The following COL14A1 variants were observed in gnomAD, a reference collection of about 807,000 sequenced individuals.
The protein encoded by COL14A1 is collagen alpha-1(XIV) chain.
COL14A1 carries 136 observed loss-of-function variants against 230.3 expected under a neutral mutation model. The ratio of observed to expected loss-of-function variants is 0.59; its 90% CI spans 0.51 to 0.68. The LOEUF (loss-of-function observed/expected upper bound fraction) is 0.68. Ranked by LOEUF, COL14A1 falls within the 30% of genes least tolerant of loss-of-function variation. COL14A1 has a pLI of 0.00. For synonymous variants in COL14A1, 792 were observed against 784.1 expected, an observed-to-expected ratio of 1.01 and a Z score of -0.17; for missense variants, 1,976 against 2,215.8, an observed-to-expected ratio of 0.89 and a Z score of 2.17.
intron 42 of COL14A1, among the ~76,000 whole-genome samples, chr8:120,340,590 G>A (rs1469043802): frequency 6.6e-6 from 1 of 152,172 alleles, no homozygotes; most frequent in Admixed American, 6.5e-5. Flanking sequence ...AACAAAATAT[G>A]AAATCCTTCT....
upstream of COL14A1, among the ~76,000 whole-genome samples, chr8:120,124,644 G>A (rs1814257437): frequency 1.3e-5 from 2 of 152,208 alleles, no homozygotes; most frequent in African/African-American, 2.4e-5. Flanking sequence ...GGAAGAGGGA[G>A]AAGAGGAGGC....
intron 19 of COL14A1, among the ~76,000 whole-genome samples, chr8:120,243,128 T>C: frequency 6.6e-6 from 1 of 152,212 alleles, no homozygotes; most frequent in East Asian, 1.9e-4. Context: ...ACTGAGAACA[T>C]GTGGCTTTTC....
chr8:120,180,129 A>G (rs1411299006), intron 5 of COL14A1, among the ~76,000 whole-genome samples: 2 of 152,190 alleles, frequency 1.3e-5, no homozygotes, highest in East Asian at 3.8e-4. Flanking sequence ...TGTTTTTAAA[A>G]AGTGATATTA....
intron 14 of COL14A1, among the ~76,000 whole-genome samples, chr8:120,221,218 C>T (rs2130790911): frequency 6.6e-6 from 1 of 152,318 alleles, no homozygotes; most frequent in Middle Eastern, 3.4e-3. Context: ...TGTTCCTCAT[C>T]AGGGCCCTTT....
intron 36 of COL14A1, 44 bp downstream of exon 36, chr8:120,300,862 T>A: frequency 7.0e-7 from 1 of 1,433,934 alleles, no homozygotes; most frequent in African/African-American, 1.4e-5. Flanking sequence ...TTAATAATAT[T>A]AATAGCTATC....
chr8:120,343,062 C>T (rs955883646), intron 44 of COL14A1, among the ~76,000 whole-genome samples: 1 of 152,168 alleles, frequency 6.6e-6, no homozygotes, highest in Non-Finnish European at 1.5e-5. Context: ...ACGCCTGTCC[C>T]ATTTCTTCAT....
intron 17 of COL14A1, among the ~76,000 whole-genome samples, chr8:120,228,129 C>T (rs1482349070): frequency 6.6e-6 from 1 of 152,150 alleles, no homozygotes; most frequent in African/African-American, 2.4e-5. Context: ...GAGCCATTCC[C>T]TGACAGAGGC....
chr8:120,357,306 C>T (rs998989455), intron 45 of COL14A1, among the ~76,000 whole-genome samples: 1 of 152,040 alleles, frequency 6.6e-6, no homozygotes, highest in African/African-American at 2.4e-5. Flanking sequence ...AGTCTCCAGC[C>T]CTGGCTGATG....
chr8:120,185,283 T>C (rs1191218493), intron 5 of COL14A1, among the ~76,000 whole-genome samples: 1 of 152,212 alleles, frequency 6.6e-6, no homozygotes, highest in Non-Finnish European at 1.5e-5. Context: ...CTGTGTTGCA[T>C]TCTGTGAGGA....
At chr8:120,131,067 G>A (rs1157456950) in intron 1 of COL14A1, among the ~76,000 whole-genome samples, 1 of 152,204 alleles carries the variant, frequency 6.6e-6, no homozygotes, top group Non-Finnish European at 1.5e-5. Flanking sequence ...TGTTATGGCT[G>A]TGTAGTATTC....
rs768183755 is a variant in COL14A1, at chr8:120,196,918, C to A, written c.564C>A (p.Phe188Leu). ...RHFLENLVTA[F>L]DVGSEKTRIG... ...TCTTGGAAAACCTGGTTACAGCATTCGATGTGGGCTCAGAGAAGACACGAA... is the reference window on the plus strand; with the variant it reads ...TCTTGGAAAACCTGGTTACAGCATTAGATGTGGGCTCAGAGAAGACACGAA... The change falls in exon 6 of 48, where the codon TTC (phenylalanine) becomes TTA (leucine). Residue 188 changes from phenylalanine (F) to leucine (L), a missense_variant. Phe to Leu is a conservative substitution (Grantham distance 22, BLOSUM62 0). Coordinates refer to ENST00000297848, the MANE Select transcript of COL14A1 (RefSeq NM_021110.4). 1 of 1,613,856 alleles carries A rather than the reference C, an allele frequency of 6.2e-7. No individual in the cohort carries two copies. Among genetic ancestry groups the A allele is most frequent in the Non-Finnish European group, 8.5e-7 (1 of 1,179,898 alleles).
rs1338472755 is a variant in COL14A1 at position 120,371,436 on chromosome 8, G to A, written c.*205G>A. 1 of 393,932 alleles carries A rather than the reference G, an allele frequency of 2.5e-6. No homozygotes were observed. The highest frequency in any genetic ancestry group is 4.5e-6 in the Non-Finnish European group (1 of 224,490). 24.4% of individuals were successfully genotyped at this position (393,932 alleles called of 1,614,324 possible). On this transcript the variant is annotated 3_prime_UTR_variant, in exon 48 of 48. Transcript: ENST00000297848. ...AAAAAGTTCCCTTAATCTATGACAT[G>A]GTAGCAATGATTTCCCTTTGGTGTC...
intron 42 of COL14A1, among the ~76,000 whole-genome samples, chr8:120,337,892 A>G (rs995375456): frequency 2.0e-5 from 3 of 152,258 alleles, no homozygotes; most frequent in Non-Finnish European, 4.4e-5. Flanking sequence ...GAGATATTTC[A>G]TTAAAAAGAT....
chr8:120,270,364 T>G (rs557006541), intron 26 of COL14A1, among the ~76,000 whole-genome samples, 190 bp downstream of exon 26: 2 of 151,810 alleles, frequency 1.3e-5, no homozygotes, highest in South Asian at 4.1e-4. Flanking sequence ...AGGATGCTTA[T>G]CCTTAAAAGG....
At chr8:120,320,048 G>A (rs906313998) in intron 40 of COL14A1, among the ~76,000 whole-genome samples, 1 of 152,030 alleles carries the variant, frequency 6.6e-6, no homozygotes, top group Non-Finnish European at 1.5e-5. Context: ...ATATATGGTG[G>A]CTTTCTCAGT....
intron 6 of COL14A1, among the ~76,000 whole-genome samples, chr8:120,197,355 A>C (rs1251152375): frequency 6.6e-6 from 1 of 152,142 alleles, no homozygotes; most frequent in Non-Finnish European, 1.5e-5. Flanking sequence ...AAGAAGCAAA[A>C]AAGTTGTAAA....
intron 14 of COL14A1, among the ~76,000 whole-genome samples, chr8:120,224,023 CTTTTTTTT>C (rs962510256): frequency 1.3e-5 from 1 of 78,252 alleles, no homozygotes; most frequent in Non-Finnish European, 2.2e-5. Flanking sequence ...CCCTCATCTC[CTTTTTTTT>C]TTTTTTTTTT....
intron 46 of COL14A1, among the ~76,000 whole-genome samples, chr8:120,369,055 C>T (rs1245413383): frequency 6.6e-6 from 1 of 152,172 alleles, no homozygotes; most frequent in Non-Finnish European, 1.5e-5. Context: ...AGGTTCCTTT[C>T]CCTTTAACAT....
At chr8:120,361,818 C>G (rs992147360) in intron 45 of COL14A1, among the ~76,000 whole-genome samples, 1 of 151,882 alleles carries the variant, frequency 6.6e-6, no homozygotes, top group African/African-American at 2.4e-5. Flanking sequence ...GTCGGGGGGG[C>G]CATAAAAATG....
Sources: allele counts gnomAD v4.1 joint callset (sites outside exome capture counted in the v4.1 genomes callset), GRCh38; gene constraint gnomAD v4.1.1; transcripts MANE v1.5; gene names NCBI Gene and HGNC (gene_info 2026-07-23, HGNC 2026-07-21).